Variants in TXNDC11 observed in about 807,000 individuals in gnomAD.
The protein encoded by TXNDC11 is thioredoxin domain-containing protein 11.
A neutral mutation model predicts 78.0 loss-of-function variants in TXNDC11; 68 were observed. The observed-to-expected ratio is 0.87, with a 90% confidence interval of 0.72 to 1.07. The LOEUF is 1.07. Among genes scored for constraint, TXNDC11 ranks in the 50% least tolerant of loss-of-function variants. The probability of loss-of-function intolerance (pLI) is 0.00; values close to 1 mark genes in which losing one functional copy is unlikely to be tolerated. For missense variants in TXNDC11, 1,389 were observed against 1,221.8 expected (o/e 1.14, Z -2.04); for synonymous variants, 571 against 495.2 (o/e 1.15, Z -2.03).
rs778892619 is a variant in TXNDC11 at position 11,687,868 on chromosome 16, G to A, written c.2142C>T (p.Phe714=). ...AGAGGCCTGCTTACCTTGCCACAGT[G>A]AATGTGTCCATGGGCAGGTTCCGAG... ...QLARNLPMDT[F]TVARIDVSQN... Residue 714 remains phenylalanine, a synonymous_variant, in exon 10 of 12, where the codon TTC becomes TTT. Transcript: ENST00000283033. 3 of 1,612,176 alleles carry A rather than the reference G, an allele frequency of 1.9e-6. No individual in the cohort carries two copies. The East Asian group carries it at 6.7e-5, about 36-fold the overall frequency.
rs2050983554 is a variant in TXNDC11 at position 11,700,536 on chromosome 16, A to C, written c.822T>G (p.Val274=). The C allele has an allele frequency of 1.2e-6, 2 of 1,605,200 alleles. No individual in the cohort carries two copies. Among genetic ancestry groups the C allele is most frequent in the South Asian group, 2.2e-5 (2 of 90,754 alleles). ...GTTTCGCAAGATGTTTATTTGTGATAACCCCAAATCGTACTGTTCCTAGGT... is the reference window on the plus strand; with the variant it reads ...GTTTCGCAAGATGTTTATTTGTGATCACCCCAAATCGTACTGTTCCTAGGT... ...KDYLGTVRFG[V]ITNKHLAKLV... The change falls in exon 6 of 12, where the codon GTT becomes GTG. Residue 274 remains valine (V), a synonymous_variant. Coordinates refer to ENST00000283033, the MANE Select transcript of TXNDC11 (RefSeq NM_015914.7).
Position 11,700,567 on chromosome 16 carries a change from G to A in TXNDC11, c.794-3C>T. 2.0e-6 allele frequency: 3 copies of A among 1,523,800 alleles called. No individual in the cohort carries two copies. The highest frequency in any genetic ancestry group is 2.7e-6 in the Non-Finnish European group (3 of 1,104,070). 94.4% of individuals were successfully genotyped at this position (1,523,800 alleles called of 1,614,324 possible). A position where few individuals can be genotyped will look rare whatever the true frequency, so the allele number is the denominator to read the frequency against. ...AAATCGTACTGTTCCTAGGTAATCTGAAACAGAAAATTTTCCTTTATTAAA... is the reference window on the plus strand; with the variant it reads ...AAATCGTACTGTTCCTAGGTAATCTAAAACAGAAAATTTTCCTTTATTAAA... On this transcript the variant is annotated splice_region_variant and splice_polypyrimidine_tract_variant and intron_variant, in intron 5 of 11. Transcript: ENST00000283033.
At chr16:11,716,680 G>A (rs1291537693) in intron 5 of TXNDC11, among the ~76,000 whole-genome samples, 3 of 152,156 alleles carry the variant, frequency 2.0e-5, no homozygotes, top group Admixed American at 6.6e-5. Flanking sequence ...TAAATGTTAT[G>A]AACATGTCAA....
chr16:11,687,851 G>A lies in TXNDC11; in HGVS notation c.2153+6C>T. On this transcript the variant is annotated splice_donor_region_variant and intron_variant, in intron 10 of 11. Transcript: ENST00000283033. ...GCCCAAAGCGCTGCAGAAGAGGCCT[G>A]CTTACCTTGCCACAGTGAATGTGTC... The A allele has an allele frequency of 6.2e-7, 1 of 1,602,228 alleles. No individual in the cohort carries two copies. Among genetic ancestry groups the A allele is most frequent in the African/African-American group, 1.3e-5 (1 of 74,762 alleles).
chr16:11,705,333 G>C (rs2051151838), intron 5 of TXNDC11, among the ~76,000 whole-genome samples: 1 of 152,206 alleles, frequency 6.6e-6, no homozygotes. Flanking sequence ...TCTAAGTATA[G>C]AATTAGTTGA....
At chr16:11,682,389 A>G (rs1398955892) in intron 11 of TXNDC11, among the ~76,000 whole-genome samples, 4 of 152,246 alleles carry the variant, frequency 2.6e-5, no homozygotes, top group African/African-American at 9.6e-5. Flanking sequence ...GACAAGGGTA[A>G]GGGCCTGCAG....
chr16:11,687,645 T>C (rs796979053), intron 10 of TXNDC11, among the ~76,000 whole-genome samples: 21 of 152,258 alleles, frequency 1.4e-4, no homozygotes, highest in African/African-American at 5.1e-4. Flanking sequence ...GGGCTAAACA[T>C]CAACATCATG....
intron 7 of TXNDC11, among the ~76,000 whole-genome samples, chr16:11,694,151 C>T (rs1198152156): frequency 1.5e-5 from 2 of 131,534 alleles, no homozygotes; most frequent in Admixed American, 8.4e-5. Flanking sequence ...CTCTTGTTGC[C>T]CAGGCCGGAG....
chr16:11,711,353 A>C (rs141569477), intron 5 of TXNDC11, among the ~76,000 whole-genome samples: 30 of 152,280 alleles, frequency 2.0e-4, no homozygotes, highest in Non-Finnish European at 3.5e-4. Context: ...TGTATTTTAA[A>C]GTTCTGGATG....
intron 5 of TXNDC11, among the ~76,000 whole-genome samples, chr16:11,710,810 G>A (rs930735801): frequency 1.3e-5 from 2 of 152,184 alleles, no homozygotes; most frequent in Non-Finnish European, 2.9e-5. Flanking sequence ...GTGAGACCCT[G>A]TCAAATAAAT....
At chr16:11,731,687 TCACACACA>T (rs34570874) in intron 3 of TXNDC11, among the ~76,000 whole-genome samples, 11 of 143,762 alleles carry the variant, frequency 7.7e-5, no homozygotes, top group East Asian at 6.1e-4. Flanking sequence ...TTACAGAAAT[TCACACACA>T]CACACACACA....
intron 6 of TXNDC11, among the ~76,000 whole-genome samples, chr16:11,699,371 G>C (rs943158006): frequency 6.6e-6 from 1 of 152,160 alleles, no homozygotes; most frequent in Admixed American, 6.5e-5. Context: ...TAAAAATGAA[G>C]GATGTAGGAA....
Position 11,712,929 on chromosome 16 carries a change from AAC to A in TXNDC11, c.793+8646_793+8647del, listed in dbSNP as rs111887849. ...ATGGAGAAACCCCATTTCCACTTAA[AAC>A]ACACACACACACACACACACACACA... On this transcript the variant is annotated intron_variant, in intron 5 of 11. Coordinates refer to ENST00000283033, the MANE Select transcript of TXNDC11 (RefSeq NM_015914.7). 3.8e-3 allele frequency among the ~76,000 whole-genome samples: 537 copies of A among 141,958 alleles called. 4 individuals carry two copies. Among genetic ancestry groups the A allele is most frequent in the African/African-American group, 8.6e-3 (329 of 38,210 alleles). The allele number at this position is 141,958 out of a possible 152,430, so 93.1% of individuals were successfully genotyped here. A position where few individuals can be genotyped will look rare whatever the true frequency, so the allele number is the denominator to read the frequency against.
intron 4 of TXNDC11, among the ~76,000 whole-genome samples, chr16:11,723,458 G>A (rs577004739): frequency 6.6e-6 from 1 of 152,102 alleles, no homozygotes; most frequent in East Asian, 1.9e-4. Flanking sequence ...GGTGGTGCAC[G>A]CCTGTAATTC....
chr16:11,707,234 C>T (rs143537243), intron 5 of TXNDC11, among the ~76,000 whole-genome samples: 614 of 152,112 alleles, frequency 4.0e-3, no homozygotes, highest in Middle Eastern at 0.01. Flanking sequence ...CGAGACCAGC[C>T]TGGCCAACCT....
intron 4 of TXNDC11, among the ~76,000 whole-genome samples, chr16:11,727,652 A>G (rs12919035): frequency 0.31 from 45,447 of 148,314 alleles, 8,836 homozygotes; most frequent in Non-Finnish European, 0.43. Flanking sequence ...CCTAGCTATA[A>G]TTTCCACCCG....
rs116663960 is a variant in TXNDC11 at position 11,704,504 on chromosome 16, A to G, written c.794-3940T>C. Among the ~76,000 whole-genome samples the G allele has an allele frequency of 2.0e-3, 309 of 152,316 alleles. 3 individuals carry two copies. The highest frequency in any genetic ancestry group is 6.9e-3 in the African/African-American group (288 of 41,572). On this transcript the variant is annotated intron_variant, in intron 5 of 11. Transcript: ENST00000283033. The stretch of plus-strand genomic sequence containing the variant: ...GAGATAGTAACTTTTCAGTGGAGAA[A>G]CACAGCAGACACTACTTTAACCAAC...
chr16:11,724,539 G>A (rs1467059894), intron 4 of TXNDC11, among the ~76,000 whole-genome samples: 1 of 152,120 alleles, frequency 6.6e-6, no homozygotes, highest in Non-Finnish European at 1.5e-5. Context: ...TGAGATGGGA[G>A]GATCACCTGA....
intron 5 of TXNDC11, among the ~76,000 whole-genome samples, chr16:11,707,279 C>T (rs910815858): frequency 6.0e-5 from 9 of 150,942 alleles, no homozygotes; most frequent in Admixed American, 5.3e-4. Flanking sequence ...ATTAGCCAGG[C>T]TTAGTGGCAG....
Sources: allele counts gnomAD v4.1 joint callset (sites outside exome capture counted in the v4.1 genomes callset), GRCh38; gene constraint gnomAD v4.1.1; transcripts MANE v1.5; gene names NCBI Gene and HGNC (gene_info 2026-07-23, HGNC 2026-07-21).